The following CTPS2 variants were observed in gnomAD, a reference collection of about 807,000 sequenced individuals.
The protein encoded by CTPS2 is CTP synthase 2.
CTPS2 carries 19 observed loss-of-function variants against 46.8 expected under a neutral mutation model. The ratio of observed to expected loss-of-function variants is 0.41; its 90% confidence interval spans 0.28 to 0.60. The LOEUF (loss-of-function observed/expected upper bound fraction) is 0.60, where lower values mean the gene tolerates loss of function less well. CTPS2 is among the 20% of genes least tolerant of loss of function. The probability of loss-of-function intolerance (pLI) is 0.35; values close to 1 mark genes in which losing one functional copy is unlikely to be tolerated. For synonymous variants in CTPS2, 151 were observed against 165.2 expected (o/e 0.91, Z 0.66); for missense variants, 286 against 447.6 (o/e 0.64, Z 3.26).
intron 13 of CTPS2, among the ~76,000 whole-genome samples, chrX:16,666,258 G>A (rs750641796): frequency 4.5e-5 from 5 of 112,072 alleles, no homozygotes; most frequent in Non-Finnish European, 9.4e-5. Context: ...TCTGTTAGTG[G>A]TGAGCACAGT....
At chrX:16,709,858 A>C (rs1321569724) in intron 1 of CTPS2, among the ~76,000 whole-genome samples, 15 of 106,897 alleles carry the variant, frequency 1.4e-4, no homozygotes, top group African/African-American at 5.2e-4. Flanking sequence ...CAAAAAAAAA[A>C]AAAAAAAAAA....
chrX:16,631,928 G>A lies in CTPS2; in HGVS notation c.1393+7219C>T, dbSNP rs750424410. Among the ~76,000 whole-genome samples, 80 of 111,682 alleles carry A rather than the reference G, an allele frequency of 7.2e-4. 1 individual carries two copies. The highest frequency in any genetic ancestry group is 2.3e-3 in the African/African-American group (72 of 30,727). On this transcript the variant is annotated intron_variant, in intron 14 of 18. Coordinates refer to ENST00000359276, the MANE Select transcript of CTPS2 (RefSeq NM_175859.3). ...AACCGTCTATTAACTTAGTTCCTCA[G>A]TGTTCCCCTGGCTCCCCTCTCACCT...
chrX:16,665,554 A>G (rs1270175064), intron 13 of CTPS2, among the ~76,000 whole-genome samples: 1 of 112,215 alleles, frequency 8.9e-6, no homozygotes, highest in Non-Finnish European at 1.9e-5. Flanking sequence ...TTTATATTAA[A>G]TGATTCAAAC....
chrX:16,697,432 CTT>C (rs5901594), intron 4 of CTPS2, among the ~76,000 whole-genome samples: 25,738 of 59,584 alleles, frequency 0.43, 6,197 homozygotes, highest in African/African-American at 0.75. Flanking sequence ...TCAAATACGA[CTT>C]TTTTTTTTTT....
At chrX:16,660,231 T>C (rs865995585) in intron 13 of CTPS2, among the ~76,000 whole-genome samples, 1 of 101,711 alleles carries the variant, frequency 9.8e-6, no homozygotes, top group Non-Finnish European at 2.0e-5. Flanking sequence ...TTCTTTCTTT[T>C]TTTAGACAGG....
intron 1 of CTPS2, among the ~76,000 whole-genome samples, chrX:16,709,635 G>C (rs1374098396): frequency 1.8e-5 from 2 of 109,888 alleles, no homozygotes; most frequent in East Asian, 5.7e-4. Flanking sequence ...CGGATCACAA[G>C]GTCAAGAAAT....
At chrX:16,651,081 C>G in intron 13 of CTPS2, 1 of 1,207,895 alleles carries the variant, frequency 8.3e-7, no homozygotes, top group Non-Finnish European at 1.1e-6. Context: ...GTGATCCAGA[C>G]CAGTTGTCAA....
chrX:16,622,211 G>C (rs751764402), intron 14 of CTPS2, among the ~76,000 whole-genome samples: 1 of 109,801 alleles, frequency 9.1e-6, no homozygotes, highest in South Asian at 4.0e-4. Flanking sequence ...TTCAAGACCA[G>C]CCTGGCCAAC....
intron 13 of CTPS2, among the ~76,000 whole-genome samples, chrX:16,661,897 T>C (rs1932964698): frequency 9.1e-6 from 1 of 110,039 alleles, no homozygotes; most frequent in African/African-American, 3.3e-5. Context: ...CTTATGTAAA[T>C]TTAGAATTTT....
At position 16,656,218 on chromosome X, in the gene CTPS2, T is replaced by C. The variant is rs775474154; in HGVS notation, c.1296+11296A>G. On this transcript the variant is annotated intron_variant, in intron 13 of 18. Transcript: ENST00000359276. ...CATCTGTTTATGTGCTGTGCACATA[T>C]CTGTGCTTTAGACATGAGATTTTTT... Among the ~76,000 whole-genome samples, 6 of 110,536 alleles carry C rather than the reference T, an allele frequency of 5.4e-5. No individual in the cohort carries two copies. In the East Asian group the frequency reaches 1.7e-3, roughly 32 times the overall value.
intron 7 of CTPS2, among the ~76,000 whole-genome samples, chrX:16,690,753 T>C (rs1349711057): frequency 8.9e-6 from 1 of 111,975 alleles, no homozygotes; most frequent in East Asian, 2.8e-4. Context: ...ATTATCAGAA[T>C]ACCAAGGTGG....
chrX:16,658,075 G>A (rs1021700314), intron 13 of CTPS2, among the ~76,000 whole-genome samples: 1 of 109,723 alleles, frequency 9.1e-6, no homozygotes, highest in Admixed American at 9.8e-5. Context: ...GCATAGTGGC[G>A]CACACCTACA....
chrX:16,657,051 T>C (rs1446384968), intron 13 of CTPS2, among the ~76,000 whole-genome samples: 2 of 109,601 alleles, frequency 1.8e-5, no homozygotes, highest in African/African-American at 6.7e-5. Context: ...GACTGGCTAA[T>C]TTTTTTTCTT....
chrX:16,672,910 G>A (rs1398781778), intron 10 of CTPS2, among the ~76,000 whole-genome samples: 7 of 81,110 alleles, frequency 8.6e-5, no homozygotes, highest in African/African-American at 1.7e-4. Context: ...TTTTTGAGAC[G>A]GAGTCTCGCT....
At chrX:16,639,266 GT>G (rs773550679) in intron 13 of CTPS2, 23 bp from the exon 14 acceptor site, 151 of 1,104,773 alleles carry the variant, frequency 1.4e-4, no homozygotes, top group African/African-American at 3.6e-5. Flanking sequence ...AACAAGTCCA[GT>G]TTTGCCATCT....
In CTPS2 at chrX:16,702,309, C is replaced by T. The variant is rs781008491; in HGVS notation, c.166+428G>A. On this transcript the variant is annotated intron_variant, in intron 2 of 18. Transcript: ENST00000359276. Reference sequence around the variant, plus strand: ...GACCTCGTGATCCACCTGCCTCGGCCTCCCAAAGTGCTGGGATTACAGGCA... The same window carrying T: ...GACCTCGTGATCCACCTGCCTCGGCTTCCCAAAGTGCTGGGATTACAGGCA... Among the ~76,000 whole-genome samples the T allele has an allele frequency of 1.6e-4, 18 of 112,170 alleles. No homozygotes were observed. The East Asian group carries it at 1.7e-3, about 10-fold the overall frequency.
chrX:16,612,856 C>T (rs1471050507), intron 16 of CTPS2, among the ~76,000 whole-genome samples: 1 of 112,072 alleles, frequency 8.9e-6, no homozygotes, highest in Non-Finnish European at 1.9e-5. Flanking sequence ...CTCCGGTGTC[C>T]TCTGTAAAGT....
Position 16,693,195 on chromosome X carries a change from T to C in CTPS2, c.585A>G (p.Lys195=). 1 of 1,210,169 alleles carries C rather than the reference T, an allele frequency of 8.3e-7. No homozygotes were observed. The highest frequency in any genetic ancestry group is 1.7e-5 in the African/African-American group (1 of 57,592). ...GTGCGCGGACGCTGTTTTGGGTGGG[T>C]TTGGTTTTTTGTTCTCCGGTAGCAC... ...QLSATGEQKT[K]PTQNSVRALR... is the part of the protein sequence containing the mutation. Residue 195 remains lysine (K), a synonymous_variant, in exon 6 of 19, where the codon AAA becomes AAG. Transcript: ENST00000359276.
At position 16,698,926 on chromosome X, in the gene CTPS2, G is replaced by C; in HGVS notation, c.334C>G (p.Gln112Glu). ...RRGDYLGKTV[Q>E]VVPHITDAVQ... ...TAATGTCTGTGGAATATAATACCTT[G>C]CACTGTTTTCCCCAGGTAATCACCA... is the stretch of plus-strand genomic sequence containing the variant. Residue 112 changes from glutamine (Q) to glutamate (E), a missense_variant, in exon 3 of 19, where the codon CAA becomes GAA. By Grantham distance (29) the Gln-to-Glu change is conservative (BLOSUM62 2). Coordinates refer to ENST00000359276, the MANE Select transcript of CTPS2 (RefSeq NM_175859.3). 1 of 1,197,564 alleles carries C rather than the reference G, an allele frequency of 8.4e-7. No individual in the cohort carries two copies. Among genetic ancestry groups the C allele is most frequent in the East Asian group, 3.0e-5 (1 of 33,364 alleles).
Sources: allele counts gnomAD v4.1 joint callset (sites outside exome capture counted in the v4.1 genomes callset), GRCh38; gene constraint gnomAD v4.1.1; transcripts MANE v1.5; gene names NCBI Gene and HGNC (gene_info 2026-07-23, HGNC 2026-07-21).